Variants in URI1 observed in about 807,000 individuals in gnomAD.
URI1 encodes URI1 prefoldin like chaperone.
In URI1, 39 loss-of-function variants were observed where a neutral mutation model predicts 60.2. The observed-to-expected ratio is 0.65, with a 90% CI of 0.50 to 0.85. URI1 has a LOEUF of 0.85. Among genes scored for constraint, URI1 ranks in the 40% least tolerant of loss-of-function variants. The pLI, the probability that URI1 is intolerant of heterozygous loss-of-function variation, is 0.00. For synonymous variants in URI1, 251 were observed against 236.8 expected (o/e 1.06, Z -0.55); for missense variants, 691 against 665.9 (o/e 1.04, Z -0.42).
chr19:30,013,095 TTGG>T lies in URI1; in HGVS notation c.1425+573_1425+575del, dbSNP rs528316011. 6.6e-3 allele frequency among the ~76,000 whole-genome samples: 1,007 copies of T among 152,308 alleles called. 17 individuals are homozygous for T. The highest frequency in any genetic ancestry group is 0.023 in the African/African-American group (940 of 41,566). On this transcript the variant is annotated intron_variant, in intron 10 of 10. Coordinates refer to ENST00000392271, the MANE Select transcript of URI1 (RefSeq NM_003796.3). ...TCACCCACCACACTTCTTACAGTTT[TTGG>T]TGGTGGTGCAGGGGAGGTTAGGAAA... is the stretch of plus-strand genomic sequence containing the variant.
At chr19:29,970,094 G>T in intron 1 of URI1, among the ~76,000 whole-genome samples, 1 of 147,988 alleles carries the variant, frequency 6.8e-6, no homozygotes. Flanking sequence ...TACAATAGAG[G>T]AATTTAGTGA....
chr19:29,999,075 A>G (rs1293672245), intron 4 of URI1, among the ~76,000 whole-genome samples: 1 of 152,090 alleles, frequency 6.6e-6, no homozygotes, highest in African/African-American at 2.4e-5. Flanking sequence ...CAGAGGCTTT[A>G]TTCCTGTTCA....
intron 2 of URI1, among the ~76,000 whole-genome samples, chr19:29,981,584 TTATACC>T: frequency 6.6e-6 from 1 of 152,314 alleles, no homozygotes; most frequent in Admixed American, 6.5e-5. Flanking sequence ...CTTACATGCC[TTATACC>T]TATGCTTTTA....
chr19:29,967,007 T>C (rs2055399038), intron 1 of URI1, among the ~76,000 whole-genome samples: 1 of 152,244 alleles, frequency 6.6e-6, no homozygotes, highest in Non-Finnish European at 1.5e-5. Context: ...AGTGTGGCAT[T>C]GTATTTAACT....
At chr19:29,927,622 G>A (rs2054881263) in intron 1 of URI1, among the ~76,000 whole-genome samples, 1 of 129,726 alleles carries the variant, frequency 7.7e-6, no homozygotes, top group Non-Finnish European at 1.5e-5. Context: ...AGGCTAGAGT[G>A]CTGGAGTGCA....
At chr19:30,014,864 A>G (rs376796930) in intron 10 of URI1, 23 bp from the exon 11 acceptor site, 23 of 1,600,732 alleles carry the variant, frequency 1.4e-5, no homozygotes, top group Middle Eastern at 1.7e-4. Flanking sequence ...TTTTATTACC[A>G]TAACCTGACT....
chr19:29,983,692 A>G (rs2055626041), intron 2 of URI1, among the ~76,000 whole-genome samples: 1 of 152,152 alleles, frequency 6.6e-6, no homozygotes, highest in African/African-American at 2.4e-5. Flanking sequence ...CCCTTTGGAA[A>G]CCCAGTCTCC....
intron 1 of URI1, among the ~76,000 whole-genome samples, chr19:29,950,435 C>G (rs996765313): frequency 1.3e-5 from 2 of 152,186 alleles, no homozygotes; most frequent in African/African-American, 2.4e-5. Flanking sequence ...ATTTTCCCCC[C>G]TTAAACTACA....
intron 2 of URI1, among the ~76,000 whole-genome samples, chr19:29,982,564 A>G (rs1421409803): frequency 6.6e-6 from 1 of 152,164 alleles, no homozygotes; most frequent in Non-Finnish European, 1.5e-5. Flanking sequence ...AACATAAATA[A>G]GCTGTTAGTG....
At position 29,942,583 on chromosome 19, in the gene URI1, C is replaced by G. The variant is rs1285024763; in HGVS notation, c.36C>G (p.Pro12=). Residue 12 remains proline (P), a synonymous_variant, in exon 1 of 11, where the codon CCC becomes CCG. Transcript: ENST00000392271. The part of the protein sequence containing the change: ...EAPTVETPPD[P]SPPSAPAPAL... The stretch of plus-strand genomic sequence containing the variant: ...CCACCGTGGAGACGCCCCCCGACCC[C>G]TCGCCCCCTTCGGCCCCGGCCCCTG... 11 of 1,427,940 alleles carry G rather than the reference C, an allele frequency of 7.7e-6. No homozygotes were observed. In the East Asian group the frequency reaches 2.4e-4, roughly 31 times the overall value. 88.5% of individuals were successfully genotyped at this position (1,427,940 alleles called of 1,614,324 possible). A position where few individuals can be genotyped will look rare whatever the true frequency, so the allele number is the denominator to read the frequency against.
At chr19:29,991,374 A>G (rs1174923241) in intron 4 of URI1, among the ~76,000 whole-genome samples, 1 of 152,196 alleles carries the variant, frequency 6.6e-6, no homozygotes, top group African/African-American at 2.4e-5. Flanking sequence ...GCTGTTGTAA[A>G]TGATGGCATT....
intron 1 of URI1, among the ~76,000 whole-genome samples, chr19:29,924,735 G>C (rs1205299980): frequency 6.6e-6 from 1 of 152,250 alleles, no homozygotes; most frequent in East Asian, 1.9e-4. Context: ...ATGCCCCTGT[G>C]AGAGCCGGGG....
chr19:29,929,282 C>G lies in URI1; in HGVS notation c.63+5528C>G, dbSNP rs1375387181. On this transcript the variant is annotated intron_variant, in intron 1 of 10. Coordinates refer to the URI1 transcript ENST00000360605. ...TTCAATTTCTCTACATCCTTGCCAA[C>G]ATTTATTTTCCATTAATTAAAAAAA... Among the ~76,000 whole-genome samples the G allele has an allele frequency of 2.6e-5, 4 of 152,092 alleles. No individual in the cohort carries two copies. In the East Asian group the frequency reaches 7.7e-4, roughly 29 times the overall value.
rs183019975 is a variant in URI1, at chr19:29,991,390, A to G, written c.367+4973A>G. ...CTGTTGTAAATGATGGCATTTTAAA[A>G]TCTTGTTTTTCAAGTGTTCTAGTAT... On this transcript the variant is annotated intron_variant, in intron 4 of 10. Transcript: ENST00000392271. 1.0e-3 allele frequency among the ~76,000 whole-genome samples: 157 copies of G among 152,286 alleles called. 3 individuals are homozygous for G. The highest frequency in any genetic ancestry group is 3.7e-3 in the African/African-American group (155 of 41,556).
At chr19:29,923,869 G>A (rs530150452) in intron 1 of URI1, 24 of 1,074,976 alleles carry the variant, frequency 2.2e-5, no homozygotes, top group Admixed American at 1.1e-4. Context: ...TACAGATGGC[G>A]CTGTAGACAT....
At chr19:29,940,356 G>A (rs1444317676), upstream of URI1, among the ~76,000 whole-genome samples, 3 of 152,044 alleles carry the variant, frequency 2.0e-5, no homozygotes, top group Non-Finnish European at 4.4e-5. Context: ...GAATGAGGAA[G>A]AACCTTCTCA....
At chr19:29,947,686 C>G (rs1428477286) in intron 1 of URI1, among the ~76,000 whole-genome samples, 1 of 152,174 alleles carries the variant, frequency 6.6e-6, no homozygotes, top group Non-Finnish European at 1.5e-5. Context: ...CTAATTGATT[C>G]ATAGTAATGA....
At chr19:30,011,375 T>C in intron 9 of URI1, 139 bp downstream of exon 9, 1 of 1,127,876 alleles carries the variant, frequency 8.9e-7, no homozygotes. Flanking sequence ...TAACTTAGGA[T>C]CTGATAGGCT....
chr19:29,927,052 G>T (rs1310655185), intron 1 of URI1, among the ~76,000 whole-genome samples: 2 of 152,214 alleles, frequency 1.3e-5, no homozygotes, highest in African/African-American at 4.8e-5. Flanking sequence ...GTGGAGGACA[G>T]CCTGGGGTGG....
Sources: allele counts gnomAD v4.1 joint callset (sites outside exome capture counted in the v4.1 genomes callset), GRCh38; gene constraint gnomAD v4.1.1; transcripts MANE v1.5; gene names NCBI Gene and HGNC (gene_info 2026-07-23, HGNC 2026-07-21).